SLC6A4: variants seen among roughly 807,000 people sequenced by gnomAD.
The protein encoded by SLC6A4 is sodium-dependent serotonin transporter.
A neutral mutation model predicts 73.4 loss-of-function variants in SLC6A4; 22 were observed. That is an observed-to-expected ratio of 0.30 (90% CI 0.21 to 0.43). The LOEUF (loss-of-function observed/expected upper bound fraction) is 0.43, where lower values mean the gene tolerates loss of function less well. SLC6A4 is among the 20% of genes least tolerant of loss of function. SLC6A4 has a pLI of 1.00. For synonymous variants in SLC6A4, 270 were observed against 315.5 expected (o/e 0.86, Z 1.53); for missense variants, 593 against 808.5 (o/e 0.73, Z 3.23).
chr17:30,231,658 T>C (rs1005077502), intron 1 of SLC6A4, among the ~76,000 whole-genome samples: 1 of 152,120 alleles, frequency 6.6e-6, no homozygotes, highest in African/African-American at 2.4e-5. Flanking sequence ...CTGGTGAAAA[T>C]GGACCATATC....
At chr17:30,217,460 G>T (rs1026404179) in intron 5 of SLC6A4, among the ~76,000 whole-genome samples, 156 bp from the exon 6 acceptor site, 3 of 152,220 alleles carry the variant, frequency 2.0e-5, no homozygotes, top group Non-Finnish European at 4.4e-5. Context: ...GATTGGCCCT[G>T]CCTGTCCTGA....
intron 3 of SLC6A4, among the ~76,000 whole-genome samples, chr17:30,219,603 T>C (rs761379481): frequency 6.6e-6 from 1 of 152,256 alleles, no homozygotes; most frequent in Admixed American, 6.5e-5. Flanking sequence ...GAATGCTCCC[T>C]GACAAGCGCC....
In SLC6A4 at chr17:30,214,540, T is replaced by G. The variant is rs185509655; in HGVS notation, c.1076+1071A>C. 2.8e-3 allele frequency among the ~76,000 whole-genome samples: 421 copies of G among 152,046 alleles called. 6 individuals carry two copies. The highest frequency in any genetic ancestry group is 7.5e-4 in the Non-Finnish European group (51 of 67,990). On this transcript the variant is annotated intron_variant, in intron 8 of 14. Transcript: ENST00000650711. ...AATACAAATAATCACATTACAATTT[T>G]TATTGTTAAACACATTGACTAGTTA... is the stretch of plus-strand genomic sequence containing the variant.
At chr17:30,216,051 A>G in intron 7 of SLC6A4, 31 bp downstream of exon 7, 2 of 1,600,476 alleles carry the variant, frequency 1.2e-6, no homozygotes, top group Non-Finnish European at 1.7e-6. Flanking sequence ...AAAATGACAG[A>G]CAGGTACACA....
intron 1 of SLC6A4, among the ~76,000 whole-genome samples, chr17:30,232,164 G>T (rs8073965): frequency 0.027 from 4,184 of 152,268 alleles, 92 homozygotes; most frequent in Middle Eastern, 0.048. Flanking sequence ...ACACAGAAAG[G>T]TCACACCAAA....
chr17:30,213,566 A>G (rs1276695312), intron 8 of SLC6A4, among the ~76,000 whole-genome samples: 1 of 151,778 alleles, frequency 6.6e-6, no homozygotes, highest in Admixed American at 6.6e-5. Flanking sequence ...TCATCATACA[A>G]CTGCAGGGTG....
intron 8 of SLC6A4, among the ~76,000 whole-genome samples, chr17:30,213,073 G>C (rs1906439034): frequency 6.6e-6 from 1 of 152,178 alleles, no homozygotes; most frequent in African/African-American, 2.4e-5. Context: ...TGACTGCCAT[G>C]ACCACCACAC....
At chr17:30,210,077 C>CAAA (rs79332361) in intron 11 of SLC6A4, among the ~76,000 whole-genome samples, 1 of 121,976 alleles carries the variant, frequency 8.2e-6, no homozygotes, top group African/African-American at 2.9e-5. Context: ...CTTCAGCTAC[C>CAAA]AAAAAAAAAA....
At chr17:30,199,592 C>T (rs1381472793) in intron 14 of SLC6A4, among the ~76,000 whole-genome samples, 1 of 152,122 alleles carries the variant, frequency 6.6e-6, no homozygotes, top group Admixed American at 6.5e-5. Flanking sequence ...AAGTTCCAGT[C>T]CTACAGTTAA....
chr17:30,214,923 G>A (rs370104559), intron 8 of SLC6A4, among the ~76,000 whole-genome samples: 6 of 150,910 alleles, frequency 4.0e-5, no homozygotes, highest in Non-Finnish European at 7.4e-5. Flanking sequence ...GGGAGCCACC[G>A]CACCCCGTCT....
chr17:30,203,113 TTTCTCCCAAAACAA>T, intron 14 of SLC6A4, 45 bp downstream of exon 14: 2 of 1,382,794 alleles, frequency 1.4e-6, no homozygotes, highest in Non-Finnish European at 2.0e-6. Context: ...AGATAATCCT[TTTCTCCCAAAACAA>T]TTAGTAGTCT....
intron 1 of SLC6A4, among the ~76,000 whole-genome samples, chr17:30,225,163 C>A (rs912021623): frequency 1.3e-5 from 2 of 152,128 alleles, no homozygotes; most frequent in South Asian, 4.1e-4. Context: ...TGAACCCCCA[C>A]CCTCATCATA....
At position 30,198,380 on chromosome 17, in the gene SLC6A4, G is replaced by T; in HGVS notation, c.*76C>A. 2.5e-6 allele frequency: 2 copies of T among 798,548 alleles called. No homozygotes were observed. Among genetic ancestry groups the T allele is most frequent in the South Asian group, 1.5e-5 (1 of 65,300 alleles). 49.5% of individuals were successfully genotyped at this position (798,548 alleles called of 1,614,324 possible). Reference sequence around the variant, plus strand: ...TTAGCTGGAAACTCATTCACTTGGAGGGGAGAAGGCAGGCGTGCCTCATCA... The same window carrying T: ...TTAGCTGGAAACTCATTCACTTGGATGGGAGAAGGCAGGCGTGCCTCATCA... On this transcript the variant is annotated 3_prime_UTR_variant, in exon 15 of 15. Transcript: ENST00000650711.
intron 7 of SLC6A4, 131 bp from the exon 8 acceptor site, chr17:30,215,845 C>G (rs1906555758): frequency 1.5e-5 from 12 of 806,960 alleles, no homozygotes; most frequent in South Asian, 1.1e-4. Context: ...AAGGCTCATT[C>G]CAGGCATAGC....
At chr17:30,210,393 A>C (rs1906345926) in intron 11 of SLC6A4, 122 bp downstream of exon 11, 1 of 1,048,286 alleles carries the variant, frequency 9.5e-7, no homozygotes, top group Admixed American at 2.9e-5. Context: ...GGGAGTAACA[A>C]CCTCCCCTCC....
At chr17:30,212,051 G>T (rs537060656) in intron 9 of SLC6A4, among the ~76,000 whole-genome samples, 38 of 152,142 alleles carry the variant, frequency 2.5e-4, no homozygotes, top group African/African-American at 8.4e-4. Flanking sequence ...CTGGGACCTC[G>T]CCCACTAGAT....
chr17:30,234,943 T>TC (rs1176195152), intron 1 of SLC6A4, among the ~76,000 whole-genome samples: 2 of 152,206 alleles, frequency 1.3e-5, no homozygotes, highest in Non-Finnish European at 2.9e-5. Flanking sequence ...GAGCTTTTTT[T>TC]CAAGAACAAG....
At position 30,218,874 on chromosome 17, in the gene SLC6A4, T is replaced by A. The variant is rs575214286; in HGVS notation, c.401A>T (p.Tyr134Phe). ...GTACTGTCCCAGTGCGAGCTCCATG[T>A]AAAAGAGCGGGATTCCCCCAAAAAT... The part of the protein sequence containing the change: ...MAIFGGIPLF[Y>F]MELALGQYHR... Residue 134 changes from tyrosine to phenylalanine, a missense_variant, in exon 4 of 15, where the codon TAC (tyrosine) becomes TTC (phenylalanine). Tyr to Phe is a conservative substitution (Grantham distance 22). Transcript: ENST00000650711. 6.2e-7 allele frequency: 1 copy of A among 1,613,956 alleles called. No homozygotes were observed. Among genetic ancestry groups the A allele is most frequent in the African/African-American group, 1.3e-5 (1 of 74,992 alleles).
At chr17:30,212,579 T>C (rs1906421827) in intron 9 of SLC6A4, among the ~76,000 whole-genome samples, 161 bp downstream of exon 9, 1 of 152,158 alleles carries the variant, frequency 6.6e-6, no homozygotes, top group Non-Finnish European at 1.5e-5. Context: ...AGGCAGGGTC[T>C]CACTATGTTG....
Sources: allele counts gnomAD v4.1 joint callset (sites outside exome capture counted in the v4.1 genomes callset), GRCh38; gene constraint gnomAD v4.1.1; transcripts MANE v1.5; gene names NCBI Gene and HGNC (gene_info 2026-07-23, HGNC 2026-07-21).